Variants in SLC2A14 observed in about 807,000 individuals in gnomAD.
The protein encoded by SLC2A14 is solute carrier family 2 member 14.
SLC2A14 carries 13 observed loss-of-function variants against 43.0 expected under a neutral mutation model. That is an observed-to-expected ratio of 0.30 (90% CI 0.20 to 0.48). The LOEUF (loss-of-function observed/expected upper bound fraction) is 0.48. Ranked by LOEUF, SLC2A14 falls within the 20% of genes least tolerant of loss-of-function variation. The pLI, the probability that SLC2A14 is intolerant of heterozygous loss-of-function variation, is 0.99. For missense variants in SLC2A14, 428 were observed against 620.4 expected, an observed-to-expected ratio of 0.69 and a Z score of 3.29; for synonymous variants, 190 against 233.8, an observed-to-expected ratio of 0.81 and a Z score of 1.71.
At chr12:7,858,220 T>C (rs1402089853) in intron 2 of SLC2A14, among the ~76,000 whole-genome samples, 2 of 152,170 alleles carry the variant, frequency 1.3e-5, no homozygotes, top group Non-Finnish European at 2.9e-5. Context: ...CATTTCTCTA[T>C]TTGAACCATT....
At chr12:7,874,916 T>G (rs1945415648), upstream of SLC2A14, among the ~76,000 whole-genome samples, 1 of 95,800 alleles carries the variant, frequency 1.0e-5, no homozygotes, top group African/African-American at 4.8e-5. Flanking sequence ...AATACATATA[T>G]AAATATATAT....
At chr12:7,844,931 G>C (rs1866333910) in intron 2 of SLC2A14, among the ~76,000 whole-genome samples, 1 of 152,206 alleles carries the variant, frequency 6.6e-6, no homozygotes, top group East Asian at 1.9e-4. Context: ...TATTTCAATT[G>C]ATCCTCAAAA....
At chr12:7,833,966 C>A (rs1414391430) in intron 2 of SLC2A14, among the ~76,000 whole-genome samples, 1 of 152,094 alleles carries the variant, frequency 6.6e-6, no homozygotes, top group Non-Finnish European at 1.5e-5. Context: ...ATCCCTTCAA[C>A]CTTTCCTATC....
intron 7 of SLC2A14, among the ~76,000 whole-genome samples, chr12:7,822,121 G>C (rs1378520282): frequency 6.6e-6 from 1 of 151,726 alleles, no homozygotes; most frequent in African/African-American, 2.4e-5. Context: ...ACCACGCCTG[G>C]CCAATTTTTG....
At chr12:7,824,888 T>G (rs1210236977) in intron 7 of SLC2A14, among the ~76,000 whole-genome samples, 1 of 151,988 alleles carries the variant, frequency 6.6e-6, no homozygotes, top group East Asian at 2.0e-4. Flanking sequence ...AGAGACAGGC[T>G]TTTGCCATGT....
intron 7 of SLC2A14, 127 bp downstream of exon 7, chr12:7,827,368 C>T (rs1263427617): frequency 1.0e-5 from 14 of 1,400,898 alleles, no homozygotes; most frequent in South Asian, 2.9e-5. Flanking sequence ...CTTCGCCTCC[C>T]GGGTTCAAGC....
intron 1 of SLC2A14, among the ~76,000 whole-genome samples, chr12:7,883,024 C>T (rs1385986838): frequency 6.6e-6 from 1 of 151,510 alleles, no homozygotes; most frequent in Non-Finnish European, 1.5e-5. Context: ...TCCTGGCCAA[C>T]ATGGTGAAAC....
At chr12:7,866,015 G>C (rs933150766) in intron 2 of SLC2A14, among the ~76,000 whole-genome samples, 2 of 151,884 alleles carry the variant, frequency 1.3e-5, no homozygotes, top group Non-Finnish European at 2.9e-5. Context: ...TCAGGAGTTC[G>C]AGACCATCCT....
chr12:7,868,103 T>C lies in SLC2A14; in HGVS notation c.18+1760A>G, dbSNP rs1325095546. ...CTATAATAGATGCAGCAAACTTCAT[T>C]GTTGTCTTACTTAAATAAATTGCTA... On this transcript the variant is annotated intron_variant, in intron 2 of 10. Transcript: ENST00000431042. 3.3e-5 allele frequency among the ~76,000 whole-genome samples: 5 copies of C among 152,154 alleles called. No individual in the cohort carries two copies. The East Asian group carries it at 9.6e-4, about 29-fold the overall frequency.
chr12:7,837,296 G>A lies in SLC2A14; in HGVS notation c.19-4482C>T, dbSNP rs771205143. ...TATTTGTCAATTATACTTCAGTGAA[G>A]CTGAAAAGATATTTTAAAAACTGTA... is the stretch of plus-strand genomic sequence containing the variant. On this transcript the variant is annotated intron_variant, in intron 2 of 10. Coordinates refer to ENST00000431042, the MANE Select transcript of SLC2A14 (RefSeq NM_001286234.2). Among the ~76,000 whole-genome samples the A allele has an allele frequency of 2.6e-5, 4 of 152,220 alleles. No individual in the cohort carries two copies. In the East Asian group the frequency reaches 7.7e-4, roughly 29 times the overall value.
chr12:7,887,404 T>A (rs537299041), intron 1 of SLC2A14, among the ~76,000 whole-genome samples: 12 of 152,154 alleles, frequency 7.9e-5, no homozygotes, highest in African/African-American at 2.9e-4. Flanking sequence ...TCAGTTAGCA[T>A]CTCTAACAAG....
chr12:7,882,988 A>G (rs1945614768), intron 1 of SLC2A14, among the ~76,000 whole-genome samples: 1 of 151,888 alleles, frequency 6.6e-6, no homozygotes, highest in South Asian at 2.1e-4. Flanking sequence ...AGGTGGGCGG[A>G]TCACAAGGTC....
At chr12:7,849,245 G>A (rs1866724670) in intron 2 of SLC2A14, among the ~76,000 whole-genome samples, 1 of 152,002 alleles carries the variant, frequency 6.6e-6, no homozygotes, top group African/African-American at 2.4e-5. Context: ...GCTCATGCCT[G>A]TAATCCCAGC....
chr12:7,841,480 T>C (rs1865941150), intron 2 of SLC2A14, among the ~76,000 whole-genome samples: 2 of 152,078 alleles, frequency 1.3e-5, no homozygotes, highest in African/African-American at 4.8e-5. Context: ...AGGCTGGTGT[T>C]GAACTCCTGA....
At chr12:7,814,920 C>T (rs1440773158) in intron 10 of SLC2A14, among the ~76,000 whole-genome samples, 2 of 151,980 alleles carry the variant, frequency 1.3e-5, no homozygotes, top group South Asian at 2.1e-4. Context: ...CTGTCTCAGC[C>T]TCCTGAGTAG....
At chr12:7,861,830 C>T (rs868343870) in intron 2 of SLC2A14, among the ~76,000 whole-genome samples, 2 of 151,886 alleles carry the variant, frequency 1.3e-5, no homozygotes, top group Admixed American at 6.6e-5. Context: ...GGTATGGTGG[C>T]GCACACCTGC....
intron 2 of SLC2A14, among the ~76,000 whole-genome samples, chr12:7,855,695 T>G (rs1263374722): frequency 2.1e-5 from 2 of 96,978 alleles, no homozygotes; most frequent in Non-Finnish European, 5.2e-5. Flanking sequence ...TGGAGTGCAG[T>G]TGCACGGCTT....
intron 7 of SLC2A14, among the ~76,000 whole-genome samples, chr12:7,825,969 C>CT (rs765257339): frequency 0.02 from 2,922 of 145,050 alleles, 84 homozygotes; most frequent in African/African-American, 0.067. Flanking sequence ...TTTATTCTTT[C>CT]TTTTTTTTTT....
intron 4 of SLC2A14, among the ~76,000 whole-genome samples, chr12:7,830,420 G>C (rs1864922984): frequency 6.6e-6 from 1 of 152,078 alleles, no homozygotes; most frequent in Middle Eastern, 3.2e-3. Flanking sequence ...CAAAGTGTTG[G>C]GATTGCAGGT....
Sources: gnomAD v4.1 joint callset for allele counts (sites outside exome capture counted in the v4.1 genomes callset) on GRCh38, gnomAD v4.1.1 for gene constraint, MANE v1.5 for transcripts, NCBI Gene and HGNC (gene_info 2026-07-23, HGNC 2026-07-21) for gene names.